GABRA4: variants seen among roughly 807,000 people sequenced by gnomAD.
GABRA4 encodes the protein gamma-aminobutyric acid receptor subunit alpha-4.
GABRA4 carries 12 observed loss-of-function variants against 49.7 expected under a neutral mutation model. The observed-to-expected ratio is 0.24, with a 90% CI of 0.15 to 0.39. GABRA4 has a LOEUF of 0.39. Ranked by LOEUF, GABRA4 falls within the 10% of genes least tolerant of loss-of-function variation. The probability of loss-of-function intolerance (pLI) is 1.00; values close to 1 mark genes in which losing one functional copy is unlikely to be tolerated. For synonymous variants in GABRA4, 288 were observed against 240.2 expected, an observed-to-expected ratio of 1.20 and a Z score of -1.84; for missense variants, 506 against 686.0, an observed-to-expected ratio of 0.74 and a Z score of 2.93.
At chr4:46,979,984 A>C (rs955383750) in intron 2 of GABRA4, among the ~76,000 whole-genome samples, 52 of 152,258 alleles carry the variant, frequency 3.4e-4, no homozygotes, top group African/African-American at 1.3e-3. Flanking sequence ...GGTTTAACAC[A>C]ATCTGAGTTT....
Position 46,921,733 on chromosome 4 carries a change from A to C in GABRA4, c.*6492T>G, listed in dbSNP as rs1465942537. 1 of 152,130 alleles carries C rather than the reference A, an allele frequency of 6.6e-6. No homozygotes were observed. Among genetic ancestry groups the C allele is most frequent in the African/African-American group, 2.4e-5 (1 of 41,450 alleles). The allele number at this position is 152,130 out of a possible 1,614,324, so 9.4% of individuals were successfully genotyped here. ...CTCAGTTAAAGGTGGTGAAATAAAA[A>C]TATTTATAATTCACTCCCCACCTAA... is the stretch of plus-strand genomic sequence containing the variant. On this transcript the variant is annotated 3_prime_UTR_variant, in exon 9 of 9. Transcript: ENST00000264318.
At chr4:46,939,836 G>A (rs1294253885) in intron 8 of GABRA4, among the ~76,000 whole-genome samples, 1 of 151,752 alleles carries the variant, frequency 6.6e-6, no homozygotes, top group East Asian at 1.9e-4. Flanking sequence ...AATTGTTCTA[G>A]GTTCTTACTG....
At chr4:46,958,928 ATTT>A (rs1197051317) in intron 8 of GABRA4, among the ~76,000 whole-genome samples, 7 of 152,002 alleles carry the variant, frequency 4.6e-5, no homozygotes, top group African/African-American at 1.4e-4. Flanking sequence ...GTTCAAACAC[ATTT>A]TAAGCAAAGG....
At chr4:46,932,840 G>A (rs773266069) in intron 8 of GABRA4, among the ~76,000 whole-genome samples, 1 of 152,006 alleles carries the variant, frequency 6.6e-6, no homozygotes, top group Non-Finnish European at 1.5e-5. Flanking sequence ...ATCTAAGTGG[G>A]TCTCTCATTA....
At chr4:46,976,358 A>AC (rs1399153454) in intron 5 of GABRA4, among the ~76,000 whole-genome samples, 3 of 142,624 alleles carry the variant, frequency 2.1e-5, no homozygotes, top group African/African-American at 8.6e-5. Context: ...CATTCTCAAA[A>AC]AAAAAAAAAA....
chr4:46,957,141 A>G (rs1722394125), intron 8 of GABRA4, among the ~76,000 whole-genome samples: 1 of 151,946 alleles, frequency 6.6e-6, no homozygotes, highest in African/African-American at 2.4e-5. Flanking sequence ...TCCTTATTAT[A>G]AGCCTTTCCA....
At position 46,941,224 on chromosome 4, in the gene GABRA4, C is replaced by A. The variant is rs375594154; in HGVS notation, c.1135-12469G>T. On this transcript the variant is annotated intron_variant, in intron 8 of 8. Coordinates refer to ENST00000264318, the MANE Select transcript of GABRA4 (RefSeq NM_000809.4). ...ACTTGTATAAAACAAATCTTAAAAC[C>A]AAAACTATGAACTATCATTATCATT... Among the ~76,000 whole-genome samples, 15 of 151,894 alleles carry A rather than the reference C, an allele frequency of 9.9e-5. No homozygotes were observed. The East Asian group carries it at 2.7e-3, about 28-fold the overall frequency.
chr4:46,980,661 A>G (rs887381552), intron 2 of GABRA4, among the ~76,000 whole-genome samples: 2 of 152,084 alleles, frequency 1.3e-5, no homozygotes, highest in Non-Finnish European at 2.9e-5. Flanking sequence ...AAGTTAATTA[A>G]ATTTTTATTT....
At chr4:46,950,631 C>A (rs1211197142) in intron 8 of GABRA4, among the ~76,000 whole-genome samples, 2 of 151,640 alleles carry the variant, frequency 1.3e-5, no homozygotes, top group African/African-American at 4.8e-5. Context: ...ATGGAAGAAG[C>A]AGCATGTGAA....
At chr4:46,946,532 T>C (rs372078020) in intron 8 of GABRA4, among the ~76,000 whole-genome samples, 6 of 152,086 alleles carry the variant, frequency 3.9e-5, no homozygotes, top group African/African-American at 1.4e-4. Context: ...TAACTCTTAG[T>C]TCCCAATATA....
At chr4:46,929,842 T>C (rs1721367620) in intron 8 of GABRA4, among the ~76,000 whole-genome samples, 1 of 151,596 alleles carries the variant, frequency 6.6e-6, no homozygotes, top group Admixed American at 6.6e-5. Context: ...AGTGAAAAAA[T>C]GGAGAAATAG....
intron 8 of GABRA4, 64 bp from the exon 9 acceptor site, chr4:46,928,819 AAGG>A: frequency 9.2e-7 from 1 of 1,083,026 alleles, no homozygotes; most frequent in South Asian, 1.6e-5. Flanking sequence ...ACAAAATTTA[AAGG>A]GATCAAAATT....
intron 8 of GABRA4, among the ~76,000 whole-genome samples, chr4:46,935,029 A>G (rs1250187709): frequency 1.3e-5 from 2 of 152,214 alleles, no homozygotes; most frequent in Admixed American, 6.5e-5. Flanking sequence ...TTCTTATTCA[A>G]TGTAGAAAAG....
chr4:46,991,577 A>G (rs1008575885), intron 2 of GABRA4, among the ~76,000 whole-genome samples: 6 of 152,170 alleles, frequency 3.9e-5, no homozygotes, highest in African/African-American at 1.4e-4. Context: ...TAGGAGGTAT[A>G]AAGTTGCTCC....
rs1241295580 is a variant in GABRA4, at chr4:46,924,869, G to A, written c.*3356C>T. 3.9e-5 allele frequency: 6 copies of A among 152,040 alleles called. No homozygotes were observed. Among genetic ancestry groups the A allele is most frequent in the African/African-American group, 1.4e-4 (6 of 41,544 alleles). The allele number at this position is 152,040 out of a possible 1,614,324, so 9.4% of individuals were successfully genotyped here. On this transcript the variant is annotated 3_prime_UTR_variant, in exon 9 of 9. Coordinates refer to ENST00000264318, the MANE Select transcript of GABRA4 (RefSeq NM_000809.4). The stretch of plus-strand genomic sequence containing the variant: ...ATATTACATAATCCACCTCCTCCCT[G>A]TTATAAATGAGGAATCAGTCTTAGA...
chr4:46,925,322 G>A lies in GABRA4; in HGVS notation c.*2903C>T, dbSNP rs1366562151. 5 of 151,850 alleles carry A rather than the reference G, an allele frequency of 3.3e-5. No homozygotes were observed. Among genetic ancestry groups the A allele is most frequent in the South Asian group, 2.1e-4 (1 of 4,832 alleles). The allele number at this position is 151,850 out of a possible 1,614,324, so 9.4% of individuals were successfully genotyped here. A position where few individuals can be genotyped will look rare whatever the true frequency, so the allele number is the denominator to read the frequency against. ...CAAAGTACTATGTATATGCACAAGT[G>A]CAAGTCATTTTAAAATGTGGATTAA... On this transcript the variant is annotated 3_prime_UTR_variant, in exon 9 of 9. Transcript: ENST00000264318.
chr4:46,942,811 G>T (rs577498024), intron 8 of GABRA4, among the ~76,000 whole-genome samples: 2 of 151,832 alleles, frequency 1.3e-5, no homozygotes, highest in Admixed American at 6.6e-5. Flanking sequence ...TTTCCATAGG[G>T]TTTAGCTGTC....
chr4:46,993,276 G>T, intron 1 of GABRA4, 63 bp downstream of exon 1: 1 of 1,411,420 alleles, frequency 7.1e-7, no homozygotes, highest in Non-Finnish European at 1.0e-6. Flanking sequence ...GGCCAAAGGG[G>T]TCCCGGAGCT....
At chr4:46,954,705 C>T (rs1026729025) in intron 8 of GABRA4, among the ~76,000 whole-genome samples, 7 of 152,010 alleles carry the variant, frequency 4.6e-5, no homozygotes, top group Non-Finnish European at 8.8e-5. Context: ...AAATGGAAAC[C>T]TAAGTATTAG....
Sources: gnomAD v4.1 joint callset for allele counts (sites outside exome capture counted in the v4.1 genomes callset) on GRCh38, gnomAD v4.1.1 for gene constraint, MANE v1.5 for transcripts, NCBI Gene and HGNC (gene_info 2026-07-23, HGNC 2026-07-21) for gene names.